The following PLXNA4 variants were observed in gnomAD, a reference collection of about 807,000 sequenced individuals.
PLXNA4 encodes plexin-A4.
In PLXNA4, 44 loss-of-function variants were observed where a neutral mutation model predicts 191.8. That is an observed-to-expected ratio of 0.23 (90% CI 0.18 to 0.29). The LOEUF (loss-of-function observed/expected upper bound fraction) is 0.29, where lower values mean the gene tolerates loss of function less well. Among genes scored for constraint, PLXNA4 ranks in the 10% least tolerant of loss-of-function variants. The pLI, the probability that PLXNA4 is intolerant of heterozygous loss-of-function variation, is 1.00. For missense variants in PLXNA4, 1,800 were observed against 2,488.8 expected (o/e 0.72, Z 5.89); for synonymous variants, 1,082 against 1,009.5 (o/e 1.07, Z -1.36).
intron 18 of PLXNA4, 145 bp downstream of exon 18, chr7:132,181,236 A>C: frequency 7.1e-7 from 1 of 1,413,492 alleles, no homozygotes; most frequent in Non-Finnish European, 9.6e-7. Context: ...ACTCAGAGAG[A>C]ACATTTATCA....
At chr7:132,648,256 G>A (rs113946627) in intron 1 of PLXNA4, among the ~76,000 whole-genome samples, 120 of 152,214 alleles carry the variant, frequency 7.9e-4, no homozygotes, top group African/African-American at 2.7e-3. Context: ...GCACAGAAAC[G>A]CTTTCCATTT....
intron 2 of PLXNA4, among the ~76,000 whole-genome samples, chr7:132,626,786 C>T (rs1803384808): frequency 6.6e-6 from 1 of 152,186 alleles, no homozygotes; most frequent in Admixed American, 6.5e-5. Context: ...ATTGCTTCAG[C>T]TGCAGAGAAC....
At chr7:132,410,810 T>C (rs1159936381) in intron 3 of PLXNA4, among the ~76,000 whole-genome samples, 1 of 152,156 alleles carries the variant, frequency 6.6e-6, no homozygotes, top group Non-Finnish European at 1.5e-5. Flanking sequence ...CTCCAGCTAG[T>C]TCCCCTTCTG....
chr7:132,413,954 A>G (rs1794563994), intron 3 of PLXNA4, among the ~76,000 whole-genome samples: 1 of 152,058 alleles, frequency 6.6e-6, no homozygotes, highest in Admixed American at 6.5e-5. Context: ...CACCAGTCAT[A>G]CTCTTACACT....
intron 9 of PLXNA4, among the ~76,000 whole-genome samples, chr7:132,217,327 C>A (rs1466324899): frequency 1.3e-5 from 2 of 152,216 alleles, no homozygotes; most frequent in Non-Finnish European, 1.5e-5. Flanking sequence ...ATAAAGAATG[C>A]AGCCTAGCTG....
chr7:132,518,082 T>C (rs980679628), intron 1 of PLXNA4, among the ~76,000 whole-genome samples: 1 of 152,152 alleles, frequency 6.6e-6, no homozygotes, highest in Non-Finnish European at 1.5e-5. Context: ...TTTACACCCA[T>C]CTAGGGCCCA....
At chr7:132,419,671 A>G (rs915341635) in intron 3 of PLXNA4, among the ~76,000 whole-genome samples, 2 of 152,196 alleles carry the variant, frequency 1.3e-5, no homozygotes, top group African/African-American at 4.8e-5. Flanking sequence ...TGTGACCCAC[A>G]GTTTGAAAAA....
At chr7:132,302,297 C>CAA (rs951570333) in intron 3 of PLXNA4, among the ~76,000 whole-genome samples, 1 of 150,742 alleles carries the variant, frequency 6.6e-6, no homozygotes, top group East Asian at 2.0e-4. Flanking sequence ...AGGTGAACTA[C>CAA]AAAAAAAAAT....
In PLXNA4 at chr7:132,429,378, G is replaced by T. The variant is rs953716764; in HGVS notation, c.1371+59914C>A. On this transcript the variant is annotated intron_variant, in intron 3 of 31. Coordinates refer to ENST00000321063, the MANE Select transcript of PLXNA4 (RefSeq NM_020911.2). ...ACTTTGCCCTCTAGAGTAAAGATGG[G>T]CAAACTTTTCCCAGGAAGGGTCAGA... 7.4e-5 allele frequency among the ~76,000 whole-genome samples: 11 copies of T among 149,212 alleles called. No homozygotes were observed. In the South Asian group the frequency reaches 2.3e-3, roughly 31 times the overall value.
intron 2 of PLXNA4, among the ~76,000 whole-genome samples, chr7:132,604,045 C>T (rs1218242737): frequency 2.0e-5 from 3 of 152,090 alleles, no homozygotes; most frequent in African/African-American, 7.2e-5. Context: ...GGGTTATTTG[C>T]CCAGCTGTGC....
At chr7:132,386,694 C>T (rs910953265) in intron 3 of PLXNA4, among the ~76,000 whole-genome samples, 1 of 152,110 alleles carries the variant, frequency 6.6e-6, no homozygotes, top group African/African-American at 2.4e-5. Flanking sequence ...AGCATTCTGC[C>T]GTGGAAAGAA....
chr7:132,436,170 G>A (rs771567400), intron 3 of PLXNA4, among the ~76,000 whole-genome samples: 5 of 152,192 alleles, frequency 3.3e-5, no homozygotes, highest in Non-Finnish European at 7.3e-5. Flanking sequence ...ACATCTCCCT[G>A]CATACTCCAG....
chr7:132,329,484 C>T (rs950038735), intron 3 of PLXNA4, among the ~76,000 whole-genome samples: 9 of 152,210 alleles, frequency 5.9e-5, no homozygotes, highest in Non-Finnish European at 1.3e-4. Context: ...CCCAGGGGTC[C>T]AGTGGTTGTC....
intron 5 of PLXNA4, among the ~76,000 whole-genome samples, chr7:132,233,928 A>T (rs1798607467): frequency 6.6e-6 from 1 of 151,716 alleles, no homozygotes; most frequent in Admixed American, 6.6e-5. Flanking sequence ...CCCAAACCAA[A>T]CCAAATTACA....
chr7:132,588,903 G>A (rs1313065318), intron 2 of PLXNA4, among the ~76,000 whole-genome samples: 1 of 151,742 alleles, frequency 6.6e-6, no homozygotes, highest in Non-Finnish European at 1.5e-5. Context: ...GGAAGGGAGA[G>A]AGAAAGAAAT....
In PLXNA4 at chr7:132,477,704, C is replaced by A. The variant is rs552833727; in HGVS notation, c.1371+11588G>T. On this transcript the variant is annotated intron_variant, in intron 3 of 31. Transcript: ENST00000321063. ...ACCTTCGGGCAGTACTGTGGGGGCA[C>A]CTTCAGTTTAATTGGAAGAAGGTAT... 3.3e-5 allele frequency among the ~76,000 whole-genome samples: 5 copies of A among 152,192 alleles called. No individual in the cohort carries two copies. In the East Asian group the frequency reaches 7.7e-4, roughly 24 times the overall value.
chr7:132,637,826 C>G lies in PLXNA4; in HGVS notation c.-87+8102G>C, dbSNP rs143124497. On this transcript the variant is annotated intron_variant, in intron 2 of 4. Coordinates refer to the PLXNA4 transcript ENST00000378539. The stretch of plus-strand genomic sequence containing the variant: ...CCTATGGGCTGACTACAGAGACTTC[C>G]CTCCTCCACTCCCTGCCCAGGTCCT... Among the ~76,000 whole-genome samples, 164 of 152,318 alleles carry G rather than the reference C, an allele frequency of 1.1e-3. 2 individuals carry two copies. The highest frequency in any genetic ancestry group is 3.6e-3 in the African/African-American group (149 of 41,572).
At position 132,521,458 on chromosome 7, in the gene PLXNA4, G is replaced by A. The variant is rs147614734; in HGVS notation, c.-86-12679C>T. Reference sequence around the variant, plus strand: ...ATTCCTTACTCCCAAGAATTAACACGTGCTTTAAGGATTTGGGTCCCAGTC... The same window carrying A: ...ATTCCTTACTCCCAAGAATTAACACATGCTTTAAGGATTTGGGTCCCAGTC... On this transcript the variant is annotated intron_variant, in intron 1 of 31. Coordinates refer to ENST00000321063, the MANE Select transcript of PLXNA4 (RefSeq NM_020911.2). 2.3e-4 allele frequency among the ~76,000 whole-genome samples: 35 copies of A among 152,230 alleles called. No individual in the cohort carries two copies. The East Asian group carries it at 6.8e-3, about 29-fold the overall frequency.
At chr7:132,465,816 T>G (rs1419730362) in intron 3 of PLXNA4, among the ~76,000 whole-genome samples, 1 of 152,122 alleles carries the variant, frequency 6.6e-6, no homozygotes, top group Non-Finnish European at 1.5e-5. Context: ...GAGACCACTT[T>G]TCCTGCAGAG....
Sources: allele counts gnomAD v4.1 joint callset (sites outside exome capture counted in the v4.1 genomes callset), GRCh38; gene constraint gnomAD v4.1.1; transcripts MANE v1.5; gene names NCBI Gene and HGNC (gene_info 2026-07-23, HGNC 2026-07-21).